FRMD4B: variants seen among roughly 807,000 people sequenced by gnomAD.
The protein encoded by FRMD4B is FERM domain-containing protein 4B.
FRMD4B carries 74 observed loss-of-function variants against 141.5 expected under a neutral mutation model. The ratio of observed to expected loss-of-function variants is 0.52; its 90% CI spans 0.43 to 0.63. The LOEUF is 0.63. FRMD4B is among the 30% of genes least tolerant of loss of function. The probability of loss-of-function intolerance (pLI) is 0.00; values close to 1 mark genes in which losing one functional copy is unlikely to be tolerated. For synonymous variants in FRMD4B, 506 were observed against 467.9 expected (o/e 1.08, Z -1.05); for missense variants, 1,366 against 1,253.4 (o/e 1.09, Z -1.36).
chr3:69,272,903 C>T (rs1033083343), intron 5 of FRMD4B, among the ~76,000 whole-genome samples: 5 of 152,184 alleles, frequency 3.3e-5, no homozygotes, highest in Non-Finnish European at 5.9e-5. Context: ...TTGCCATAAA[C>T]AGGCAGCTAG....
At chr3:69,476,870 T>G (rs556850180) in intron 1 of FRMD4B, among the ~76,000 whole-genome samples, 1 of 152,292 alleles carries the variant, frequency 6.6e-6, no homozygotes, top group Non-Finnish European at 1.5e-5. Context: ...TGTATCCTCT[T>G]TTATTTCACT....
chr3:69,456,669 C>T (rs956730508), intron 1 of FRMD4B, among the ~76,000 whole-genome samples: 1 of 147,904 alleles, frequency 6.8e-6, no homozygotes, highest in Non-Finnish European at 1.5e-5. Context: ...AGCTGGCACA[C>T]AACAGACACT....
chr3:69,496,637 A>AAGAGAGAGAGAGAGAGAGAGAGAG (rs1169584495), intron 1 of FRMD4B, among the ~76,000 whole-genome samples: 1 of 56,474 alleles, frequency 1.8e-5, no homozygotes. Flanking sequence ...GAGAGAGAGA[A>AAGAGAGAGAGAGAGAGAGAGAGAG]AGAGAGAGAG....
intron 2 of FRMD4B, among the ~76,000 whole-genome samples, chr3:69,420,724 G>A (rs1302854778): frequency 1.3e-5 from 2 of 152,178 alleles, no homozygotes; most frequent in African/African-American, 4.8e-5. Context: ...CTATTTCAAA[G>A]CCTCCTGTGT....
At chr3:69,454,618 C>T (rs1365932926) in intron 1 of FRMD4B, among the ~76,000 whole-genome samples, 1 of 152,228 alleles carries the variant, frequency 6.6e-6, no homozygotes, top group African/African-American at 2.4e-5. Context: ...TCCCCCAGCA[C>T]TGCCGGCCCG....
intron 2 of FRMD4B, among the ~76,000 whole-genome samples, chr3:69,400,213 C>G (rs1477735750): frequency 3.3e-5 from 5 of 150,042 alleles, no homozygotes; most frequent in Non-Finnish European, 7.4e-5. Flanking sequence ...TACTGAGATT[C>G]TGTCTTCACC....
intron 5 of FRMD4B, among the ~76,000 whole-genome samples, chr3:69,251,164 C>T (rs778639860): frequency 2.6e-5 from 4 of 152,092 alleles, no homozygotes; most frequent in African/African-American, 4.8e-5. Context: ...AAAAATTCCA[C>T]GTAACTCCAT....
chr3:69,210,379 A>C (rs569536162), intron 11 of FRMD4B, among the ~76,000 whole-genome samples: 1 of 151,962 alleles, frequency 6.6e-6, no homozygotes, highest in Non-Finnish European at 1.5e-5. Context: ...TTTCCTTGAA[A>C]TACTGAACAA....
chr3:69,459,003 C>A (rs1705663907), intron 1 of FRMD4B, among the ~76,000 whole-genome samples: 1 of 152,156 alleles, frequency 6.6e-6, no homozygotes. Flanking sequence ...CTGATCCTTA[C>A]AAACCTCTAG....
chr3:69,538,931 A>T (rs1056371849), intron 1 of FRMD4B, among the ~76,000 whole-genome samples: 1 of 152,240 alleles, frequency 6.6e-6, no homozygotes, highest in Non-Finnish European at 1.5e-5. Context: ...ATGTAAGTAA[A>T]GGAAGATACA....
In FRMD4B at chr3:69,196,958, G is replaced by T; in HGVS notation, c.1034C>A (p.Ser345Tyr). Residue 345 changes from serine to tyrosine, a missense_variant, in exon 13 of 23, where the codon TCC (serine) becomes TAC (tyrosine). By Grantham distance (144) the Ser-to-Tyr change is moderately radical. Coordinates refer to ENST00000398540, the MANE Select transcript of FRMD4B (RefSeq NM_015123.3). ...TWYANSSLIK[S>Y]IWVMAISQHQ... is the part of the protein sequence containing the mutation. ...CTGACTAATTGCCATTACCCAAATG[G>T]ACTTGATGAGAGAAGAGTTAGCATA... 1 of 1,609,208 alleles carries T rather than the reference G, an allele frequency of 6.2e-7. No homozygotes were observed. Among genetic ancestry groups the T allele is most frequent in the Non-Finnish European group, 8.5e-7 (1 of 1,175,556 alleles).
chr3:69,442,386 A>C (rs1319455082), intron 1 of FRMD4B, among the ~76,000 whole-genome samples: 1 of 152,062 alleles, frequency 6.6e-6, no homozygotes, highest in Non-Finnish European at 1.5e-5. Context: ...CCTGCCAATA[A>C]GTTTTATTCT....
At position 69,225,415 on chromosome 3, in the gene FRMD4B, C is replaced by A. The variant is rs568527042; in HGVS notation, c.582-725G>T. ...AACAGGCCGGACACAGTGGCTTACGCCTGTAATCCCAGCACTTTGGGAGGC... is the reference window on the plus strand; with the variant it reads ...AACAGGCCGGACACAGTGGCTTACGACTGTAATCCCAGCACTTTGGGAGGC... On this transcript the variant is annotated intron_variant, in intron 7 of 22. Coordinates refer to ENST00000398540, the MANE Select transcript of FRMD4B (RefSeq NM_015123.3). 2.0e-5 allele frequency among the ~76,000 whole-genome samples: 3 copies of A among 151,420 alleles called. No homozygotes were observed. In the Admixed American group the frequency reaches 2.0e-4, roughly 10 times the overall value.
chr3:69,197,025 T>C lies in FRMD4B; in HGVS notation c.967A>G (p.Arg323Gly). 1 of 1,611,282 alleles carries C rather than the reference T, an allele frequency of 6.2e-7. No homozygotes were observed. The highest frequency in any genetic ancestry group is 8.5e-7 in the Non-Finnish European group (1 of 1,177,844). The change falls in exon 13 of 23, where the codon AGA (arginine) becomes GGA (glycine). Residue 323 changes from arginine (R) to glycine (G), a missense_variant. Arg to Gly is a moderately radical substitution (Grantham distance 125). Transcript: ENST00000398540. Reference sequence around the variant, plus strand: ...AAGCCACTTTGCCCAAAGGTTCTTCTTGAAACTGAAATCCTGAAAGATTAA... The same window carrying C: ...AAGCCACTTTGCCCAAAGGTTCTTCCTGAAACTGAAATCCTGAAAGATTAA... ...VHDPRRISVS[R>G]RTFGQSGLFV...
chr3:69,503,798 T>C (rs1559547871), intron 1 of FRMD4B, among the ~76,000 whole-genome samples: 2 of 152,156 alleles, frequency 1.3e-5, no homozygotes, highest in African/African-American at 4.8e-5. Flanking sequence ...AGTTAGTATT[T>C]GTTACCGGGC....
At chr3:69,490,936 C>T (rs1384189452) in intron 1 of FRMD4B, among the ~76,000 whole-genome samples, 2 of 152,114 alleles carry the variant, frequency 1.3e-5, no homozygotes, top group Non-Finnish European at 2.9e-5. Context: ...CCACCTCCTC[C>T]AAGAAGGAGC....
intron 1 of FRMD4B, among the ~76,000 whole-genome samples, chr3:69,378,790 C>G (rs1269361178): frequency 2.0e-5 from 3 of 151,898 alleles, no homozygotes; most frequent in African/African-American, 4.8e-5. Context: ...GTCTTTGTCT[C>G]TCTACTCATC....
intron 5 of FRMD4B, among the ~76,000 whole-genome samples, chr3:69,270,569 C>CTTTTTTTTTTTTTTTTTTTT (rs57693333): frequency 2.8e-5 from 4 of 144,802 alleles, no homozygotes; most frequent in Admixed American, 7.0e-5. Flanking sequence ...TTCTTTTTTT[C>CTTTTTTTTTTTTTTTTTTTT]TTTTTTTTTT....
At chr3:69,367,875 T>C (rs1169933157) in intron 1 of FRMD4B, among the ~76,000 whole-genome samples, 1 of 152,220 alleles carries the variant, frequency 6.6e-6, no homozygotes, top group African/African-American at 2.4e-5. Context: ...TGGAAACAAC[T>C]AGACTGTGCT....
Sources: gnomAD v4.1 joint callset for allele counts (sites outside exome capture counted in the v4.1 genomes callset) on GRCh38, gnomAD v4.1.1 for gene constraint, MANE v1.5 for transcripts, NCBI Gene and HGNC (gene_info 2026-07-23, HGNC 2026-07-21) for gene names.